Variants in SNX29 observed in about 807,000 individuals in gnomAD.
SNX29 encodes the protein sorting nexin-29.
Under a neutral mutation model 102.1 loss-of-function variants are expected in SNX29, and 78 were observed. That is an observed-to-expected ratio of 0.76 (90% CI 0.64 to 0.92). SNX29 has a LOEUF of 0.92. Ranked by LOEUF, SNX29 falls within the 40% of genes least tolerant of loss-of-function variation. The probability of loss-of-function intolerance (pLI) is 0.00; values close to 1 mark genes in which losing one functional copy is unlikely to be tolerated. For missense variants in SNX29, 1,280 were observed against 1,061.7 expected (o/e 1.21, Z -2.86); for synonymous variants, 580 against 414.5 (o/e 1.40, Z -4.85).
At chr16:12,380,234 C>G (rs754722684) in intron 16 of SNX29, among the ~76,000 whole-genome samples, 1 of 144,920 alleles carries the variant, frequency 6.9e-6, no homozygotes, top group South Asian at 2.1e-4. Context: ...AGGGTACAGG[C>G]TTAGACAATC....
chr16:12,244,498 GCT>G (rs2078204426), intron 14 of SNX29, among the ~76,000 whole-genome samples: 1 of 151,986 alleles, frequency 6.6e-6, no homozygotes, highest in East Asian at 1.9e-4. Context: ...AATCCCAGCT[GCT>G]CTGGAGGCTG....
intron 14 of SNX29, among the ~76,000 whole-genome samples, chr16:12,274,606 A>G (rs2079189496): frequency 1.3e-5 from 2 of 149,666 alleles, no homozygotes; most frequent in African/African-American, 4.9e-5. Context: ...ATGCCATCTC[A>G]GTTCACTGCA....
intron 11 of SNX29, among the ~76,000 whole-genome samples, chr16:12,107,045 T>A (rs2053280463): frequency 6.6e-6 from 1 of 152,182 alleles, no homozygotes; most frequent in Admixed American, 6.5e-5. Flanking sequence ...CTTGAACTCC[T>A]GGGCTAAAGC....
chr16:12,213,904 C>T (rs2077253106), intron 14 of SNX29, among the ~76,000 whole-genome samples: 1 of 152,134 alleles, frequency 6.6e-6, no homozygotes, highest in South Asian at 2.1e-4. Flanking sequence ...AGCCAGGAGT[C>T]CCTGCTGCTT....
chr16:12,059,136 A>G (rs1420195048), intron 8 of SNX29, among the ~76,000 whole-genome samples: 2 of 151,978 alleles, frequency 1.3e-5, no homozygotes, highest in African/African-American at 4.8e-5. Context: ...TTGGAACCTC[A>G]TCCTCTTGGG....
At chr16:12,021,175 C>T (rs2057009042) in intron 3 of SNX29, among the ~76,000 whole-genome samples, 1 of 152,154 alleles carries the variant, frequency 6.6e-6, no homozygotes, top group Non-Finnish European at 1.5e-5. Flanking sequence ...GCCTGGAATC[C>T]CAGCACTTTG....
chr16:12,078,587 C>T (rs1489929012), intron 10 of SNX29, among the ~76,000 whole-genome samples: 2 of 152,150 alleles, frequency 1.3e-5, no homozygotes, highest in Non-Finnish European at 1.5e-5. Flanking sequence ...GGCCTCTGCA[C>T]GTGTTCATGA....
At chr16:12,163,859 G>T (rs1041159299) in intron 13 of SNX29, among the ~76,000 whole-genome samples, 2 of 152,210 alleles carry the variant, frequency 1.3e-5, no homozygotes, top group African/African-American at 2.4e-5. Context: ...TGCAGAGGAT[G>T]AGCAGGTGTA....
chr16:12,491,718 C>G (rs540723300), intron 19 of SNX29, among the ~76,000 whole-genome samples: 2 of 152,178 alleles, frequency 1.3e-5, no homozygotes, highest in Admixed American at 6.5e-5. Flanking sequence ...TGTGATGTTC[C>G]CCTTCCTGTG....
rs763100105 is a variant in SNX29 at position 12,027,332 on chromosome 16, G to C, written c.135G>C (p.Leu45=). ...GGTTTTCTCACAGGGTCACCTGTCT[G>C]TGTGCCCAGTTTGAAGCCGTCCTGC... The part of the protein sequence containing the change: ...ASDSDSRVTC[L]CAQFEAVLQH... Residue 45 remains leucine (L), a synonymous_variant, in exon 4 of 21, where the codon CTG becomes CTC. Transcript: ENST00000566228. 2.5e-6 allele frequency: 4 copies of C among 1,613,842 alleles called. No homozygotes were observed. The highest frequency in any genetic ancestry group is 3.4e-6 in the Non-Finnish European group (4 of 1,179,854).
intron 9 of SNX29, among the ~76,000 whole-genome samples, chr16:12,063,364 A>ATTTTTTTTTTTT (rs1567173140): frequency 2.1e-5 from 1 of 48,228 alleles, no homozygotes; most frequent in Non-Finnish European, 4.4e-5. Flanking sequence ...TTCCTAGTCC[A>ATTTTTTTTTTTT]TCTTTTTTTT....
At chr16:12,132,003 T>A (rs1409713408) in intron 13 of SNX29, among the ~76,000 whole-genome samples, 1 of 152,230 alleles carries the variant, frequency 6.6e-6, no homozygotes, top group Non-Finnish European at 1.5e-5. Flanking sequence ...ATGCTAGAGT[T>A]TTGCCGCATA....
chr16:12,032,588 G>T (rs1336316044), intron 4 of SNX29, among the ~76,000 whole-genome samples: 1 of 151,800 alleles, frequency 6.6e-6, no homozygotes, highest in African/African-American at 2.4e-5. Flanking sequence ...ATGACAGTTG[G>T]GTGTCTTCCA....
intron 14 of SNX29, among the ~76,000 whole-genome samples, chr16:12,255,679 G>C (rs566486919): frequency 6.6e-6 from 1 of 152,068 alleles, no homozygotes; most frequent in Non-Finnish European, 1.5e-5. Context: ...TATCCTCCAC[G>C]TTTATCCGTG....
At chr16:12,052,675 C>T (rs1440629879) in intron 8 of SNX29, 2 of 183,734 alleles carry the variant, frequency 1.1e-5, no homozygotes, top group Admixed American at 1.1e-4. Context: ...TTTGCTCTTC[C>T]CCTGAGAACT....
chr16:12,069,851 C>T (rs1012336860), intron 10 of SNX29, among the ~76,000 whole-genome samples: 22 of 152,114 alleles, frequency 1.4e-4, no homozygotes, highest in African/African-American at 4.3e-4. Context: ...CCACTGCGCC[C>T]GGCTAACTTT....
chr16:12,488,880 C>A (rs1469260160), intron 19 of SNX29, among the ~76,000 whole-genome samples: 1 of 152,198 alleles, frequency 6.6e-6, no homozygotes, highest in Non-Finnish European at 1.5e-5. Flanking sequence ...TCATTTCAGG[C>A]TGAGTTCGAG....
intron 1 of SNX29, among the ~76,000 whole-genome samples, chr16:11,987,774 T>C (rs1440370037): frequency 6.6e-6 from 1 of 152,258 alleles, no homozygotes; most frequent in Non-Finnish European, 1.5e-5. Context: ...TCTCAGGACC[T>C]GGAACATAGA....
At chr16:12,549,341 A>C (rs2077815097) in intron 20 of SNX29, among the ~76,000 whole-genome samples, 1 of 152,190 alleles carries the variant, frequency 6.6e-6, no homozygotes, top group Non-Finnish European at 1.5e-5. Context: ...CCAAAAATAC[A>C]AAAATTAGCC....
Sources: gnomAD v4.1 joint callset for allele counts (sites outside exome capture counted in the v4.1 genomes callset) on GRCh38, gnomAD v4.1.1 for gene constraint, MANE v1.5 for transcripts, NCBI Gene and HGNC (gene_info 2026-07-23, HGNC 2026-07-21) for gene names.